The following ALCAM variants were observed in gnomAD, a reference collection of about 807,000 sequenced individuals.
ALCAM encodes the protein activated leukocyte cell adhesion molecule.
ALCAM carries 30 observed loss-of-function variants against 70.9 expected under a neutral mutation model. The observed-to-expected ratio is 0.42, with a 90% confidence interval of 0.32 to 0.57. The LOEUF (loss-of-function observed/expected upper bound fraction) is 0.57, where lower values mean the gene tolerates loss of function less well. Among genes scored for constraint, ALCAM ranks in the 20% least tolerant of loss-of-function variants. The pLI is 0.11. For missense variants in ALCAM, 591 were observed against 695.1 expected (o/e 0.85, Z 1.68); for synonymous variants, 249 against 242.5 (o/e 1.03, Z -0.25).
At position 105,450,716 on chromosome 3, in the gene ALCAM, T is replaced by G. The variant is rs982592117; in HGVS notation, c.74-69351T>G. 2.6e-5 allele frequency among the ~76,000 whole-genome samples: 4 copies of G among 152,166 alleles called. 1 individual carries two copies. The highest frequency in any genetic ancestry group is 5.9e-5 in the Non-Finnish European group (4 of 68,026). ...AGTGTGCAAGGATAGATGGTGAATA[T>G]GTATTTTGGTAAATTTGTAGAGAAA... On this transcript the variant is annotated intron_variant, in intron 1 of 15. Coordinates refer to ENST00000306107, the MANE Select transcript of ALCAM (RefSeq NM_001627.4).
Position 105,487,649 on chromosome 3 carries a change from G to C in ALCAM, c.74-32418G>C, listed in dbSNP as rs1336846780. Among the ~76,000 whole-genome samples, 8 of 152,270 alleles carry C rather than the reference G, an allele frequency of 5.3e-5. No individual in the cohort carries two copies. In the South Asian group the frequency reaches 1.5e-3, roughly 28 times the overall value. On this transcript the variant is annotated intron_variant, in intron 1 of 15. Coordinates refer to ENST00000306107, the MANE Select transcript of ALCAM (RefSeq NM_001627.4). ...TTTCACCAGAAATTATATTCTCCTA[G>C]CAATTATGACTTTGTCATGGCTAAC...
chr3:105,466,891 G>A (rs1451935015), intron 1 of ALCAM, among the ~76,000 whole-genome samples: 2 of 151,190 alleles, frequency 1.3e-5, no homozygotes, highest in Non-Finnish European at 3.0e-5. Flanking sequence ...TCTCACACAG[G>A]GTGAGCAGAC....
chr3:105,506,530 C>A (rs1388203139), intron 1 of ALCAM, among the ~76,000 whole-genome samples: 2 of 152,158 alleles, frequency 1.3e-5, no homozygotes, highest in Non-Finnish European at 2.9e-5. Flanking sequence ...ATGATATAAT[C>A]TGAAGCCCTG....
intron 1 of ALCAM, among the ~76,000 whole-genome samples, chr3:105,383,716 G>A (rs1035946077): frequency 2.0e-5 from 3 of 151,600 alleles, no homozygotes; most frequent in African/African-American, 7.3e-5. Flanking sequence ...CTCTTCTTGA[G>A]TTTCCATATT....
chr3:105,562,068 T>C (rs970862213), intron 14 of ALCAM, among the ~76,000 whole-genome samples: 4 of 152,194 alleles, frequency 2.6e-5, no homozygotes, highest in South Asian at 2.1e-4. Context: ...TAAACTATGA[T>C]TGGTCTTTCT....
chr3:105,446,757 A>G (rs1258246969), intron 1 of ALCAM, among the ~76,000 whole-genome samples: 1 of 152,048 alleles, frequency 6.6e-6, no homozygotes, highest in Non-Finnish European at 1.5e-5. Flanking sequence ...AAGACAAAGA[A>G]AGACAAAGGC....
chr3:105,545,102 A>G (rs1191429349), intron 8 of ALCAM, 121 bp from the exon 9 acceptor site: 2 of 706,172 alleles, frequency 2.8e-6, no homozygotes, highest in Non-Finnish European at 5.2e-6. Flanking sequence ...CATATAAATC[A>G]GTTCTGAATG....
chr3:105,403,941 G>C (rs1272111166), intron 1 of ALCAM, among the ~76,000 whole-genome samples: 7 of 150,988 alleles, frequency 4.6e-5, no homozygotes, highest in Non-Finnish European at 7.4e-5. Flanking sequence ...AATGCAAAAT[G>C]TACTAGAAAG....
At chr3:105,474,556 C>G (rs926644046) in intron 1 of ALCAM, among the ~76,000 whole-genome samples, 7 of 150,992 alleles carry the variant, frequency 4.6e-5, no homozygotes, top group African/African-American at 1.5e-4. Flanking sequence ...TCTGCCTTTA[C>G]TGACAAATGG....
intron 1 of ALCAM, among the ~76,000 whole-genome samples, chr3:105,427,121 T>A (rs1386814893): frequency 6.6e-6 from 1 of 151,946 alleles, no homozygotes; most frequent in African/African-American, 2.4e-5. Context: ...GTATCTTCGG[T>A]TCTTAGAAAT....
At chr3:105,394,859 A>G (rs1367059950) in intron 1 of ALCAM, among the ~76,000 whole-genome samples, 1 of 151,996 alleles carries the variant, frequency 6.6e-6, no homozygotes, top group East Asian at 1.9e-4. Context: ...TCAGTAGCTT[A>G]CACAAATTGC....
At chr3:105,543,243 A>G (rs1248297069) in intron 8 of ALCAM, among the ~76,000 whole-genome samples, 1 of 151,752 alleles carries the variant, frequency 6.6e-6, no homozygotes, top group Non-Finnish European at 1.5e-5. Context: ...TTGCAGCCAT[A>G]TAGTGCCTAC....
intron 14 of ALCAM, among the ~76,000 whole-genome samples, chr3:105,569,538 TA>T (rs551573110): frequency 3.4e-3 from 517 of 151,916 alleles, no homozygotes; most frequent in Non-Finnish European, 6.1e-3. Context: ...AACTTGCTTA[TA>T]AAAAAAAGCA....
rs143450204 is a variant in ALCAM, at chr3:105,558,238, C to T, written c.1664+5653C>T. ...GAGGCAGGGATGCTCACGGAAAACA[C>T]TCCTCTAACTAGCAAGAAATAAGGA... On this transcript the variant is annotated intron_variant, in intron 14 of 15. Transcript: ENST00000306107. 7.9e-5 allele frequency among the ~76,000 whole-genome samples: 12 copies of T among 152,204 alleles called. No homozygotes were observed. The East Asian group carries it at 2.3e-3, about 29-fold the overall frequency.
intron 1 of ALCAM, among the ~76,000 whole-genome samples, chr3:105,470,130 C>CATATATGTGTGTGTATGATATGTTAT (rs144436139): frequency 1.6e-5 from 2 of 121,248 alleles, no homozygotes; most frequent in Non-Finnish European, 3.6e-5. Context: ...ATGTTATATA[C>CATATATGTGTGTGTATGATATGTTAT]ATACACACAC....
At chr3:105,555,735 AT>A (rs58093871) in intron 14 of ALCAM, among the ~76,000 whole-genome samples, 21,809 of 151,958 alleles carry the variant, frequency 0.14, 1,749 homozygotes, top group Admixed American at 0.26. Flanking sequence ...GAAGCTAAAT[AT>A]TTTTATTATA....
In ALCAM at chr3:105,444,567, A is replaced by G. The variant is rs189317573; in HGVS notation, c.74-75500A>G. Among the ~76,000 whole-genome samples the G allele has an allele frequency of 1.1e-3, 167 of 152,308 alleles. 2 individuals carry two copies. The highest frequency in any genetic ancestry group is 0.01 in the Admixed American group (158 of 15,294). ...AGCCAAACCATATCACCAACATAAT[A>G]TAAAATCACTTTGAAAGGACCTCAA... On this transcript the variant is annotated intron_variant, in intron 1 of 15. Transcript: ENST00000306107.
chr3:105,429,494 T>G (rs913406959), intron 1 of ALCAM, among the ~76,000 whole-genome samples: 2 of 151,946 alleles, frequency 1.3e-5, no homozygotes, highest in Non-Finnish European at 2.9e-5. Flanking sequence ...CTAGGGGATC[T>G]CCATGAAAGC....
intron 11 of ALCAM, among the ~76,000 whole-genome samples, chr3:105,548,929 A>G (rs900509319): frequency 6.6e-6 from 1 of 151,490 alleles, no homozygotes; most frequent in African/African-American, 2.4e-5. Flanking sequence ...TACTGGTAAT[A>G]CAGACATAGA....
Sources: gnomAD v4.1 joint callset for allele counts (sites outside exome capture counted in the v4.1 genomes callset) on GRCh38, gnomAD v4.1.1 for gene constraint, MANE v1.5 for transcripts, NCBI Gene and HGNC (gene_info 2026-07-23, HGNC 2026-07-21) for gene names.